Variants in SENP7 observed in about 807,000 individuals in gnomAD.
SENP7 encodes the protein SUMO specific peptidase 7, also known as sentrin-specific protease 7.
A neutral mutation model predicts 141.2 loss-of-function variants in SENP7; 64 were observed. That is an observed-to-expected ratio of 0.45 (90% CI 0.37 to 0.56). The LOEUF is 0.56. Among genes scored for constraint, SENP7 ranks in the 20% least tolerant of loss-of-function variants. SENP7 has a pLI of 0.00. For synonymous variants in SENP7, 382 were observed against 426.4 expected, an observed-to-expected ratio of 0.90 and a Z score of 1.28; for missense variants, 1,025 against 1,212.2, an observed-to-expected ratio of 0.85 and a Z score of 2.29.
chr3:101,357,567 G>T, intron 11 of SENP7: 1 of 1,275,212 alleles, frequency 7.8e-7, no homozygotes, highest in South Asian at 1.4e-5. Flanking sequence ...GAAAAATGTG[G>T]ACATGACAAT....
At chr3:101,510,329 G>A (rs2065797647) in intron 1 of SENP7, among the ~76,000 whole-genome samples, 2 of 152,090 alleles carry the variant, frequency 1.3e-5, no homozygotes, top group African/African-American at 4.8e-5. Flanking sequence ...TCTGGAATTG[G>A]GTTTCTGCTA....
At chr3:101,363,353 C>A (rs1231173975) in intron 10 of SENP7, among the ~76,000 whole-genome samples, 1 of 152,090 alleles carries the variant, frequency 6.6e-6, no homozygotes, top group African/African-American at 2.4e-5. Flanking sequence ...CTAGCTGGCT[C>A]CTAAAAATGA....
At chr3:101,382,121 A>G (rs2049108) in intron 6 of SENP7, among the ~76,000 whole-genome samples, 60,389 of 152,054 alleles carry the variant, frequency 0.4, 12,512 homozygotes, top group Admixed American at 0.54. Flanking sequence ...CTGAGTGGCT[A>G]GCTACAATAA....
intron 2 of SENP7, among the ~76,000 whole-genome samples, chr3:101,495,584 A>G (rs1466508663): frequency 1.3e-5 from 2 of 152,206 alleles, no homozygotes; most frequent in Admixed American, 6.5e-5. Context: ...AAGGAACACA[A>G]TCGTGTCTTT....
At chr3:101,494,022 A>C (rs2065067209) in intron 2 of SENP7, 54 bp from the exon 3 acceptor site, 1 of 1,147,054 alleles carries the variant, frequency 8.7e-7, no homozygotes. Flanking sequence ...ACAAGAGCTA[A>C]TTCAGCTAAC....
intron 4 of SENP7, 93 bp from the exon 5 acceptor site, chr3:101,417,883 T>G: frequency 9.9e-7 from 1 of 1,010,716 alleles, no homozygotes; most frequent in East Asian, 2.5e-5. Flanking sequence ...AACTGTAAAC[T>G]TCAGTTCCTC....
At chr3:101,443,998 A>C (rs2062786547) in intron 4 of SENP7, among the ~76,000 whole-genome samples, 1 of 149,042 alleles carries the variant, frequency 6.7e-6, no homozygotes, top group Non-Finnish European at 1.5e-5. Context: ...CTCATCTGAC[A>C]AAGGGCTAAT....
At chr3:101,378,589 T>C (rs1402254) in intron 6 of SENP7, among the ~76,000 whole-genome samples, 60,024 of 151,520 alleles carry the variant, frequency 0.4, 12,337 homozygotes, top group Admixed American at 0.53. Flanking sequence ...AGCATAGGCA[T>C]AATGGGAATA....
intron 17 of SENP7, among the ~76,000 whole-genome samples, chr3:101,335,339 T>C (rs1402454117): frequency 3.3e-5 from 5 of 152,206 alleles, no homozygotes; most frequent in Non-Finnish European, 7.4e-5. Context: ...TTAGAGCCTT[T>C]TGATGTGGAT....
At chr3:101,472,822 C>A (rs1226202939) in intron 3 of SENP7, among the ~76,000 whole-genome samples, 1 of 151,888 alleles carries the variant, frequency 6.6e-6, no homozygotes, top group African/African-American at 2.4e-5. Flanking sequence ...AAACTTATGT[C>A]ATGGGGGGTT....
chr3:101,372,611 G>A (rs2060212072), intron 6 of SENP7, among the ~76,000 whole-genome samples: 1 of 151,866 alleles, frequency 6.6e-6, no homozygotes, highest in Admixed American at 6.6e-5. Context: ...TAAAGTCTAA[G>A]GTACTGGTAA....
chr3:101,400,997 C>T (rs2061122700), intron 5 of SENP7, among the ~76,000 whole-genome samples: 1 of 151,688 alleles, frequency 6.6e-6, no homozygotes, highest in Non-Finnish European at 1.5e-5. Context: ...ACTTGGGAAG[C>T]TGAGAGAGGA....
intron 17 of SENP7, chr3:101,337,214 T>C (rs761746954): frequency 5.5e-6 from 1 of 181,312 alleles, no homozygotes; most frequent in Admixed American, 6.3e-5. Context: ...CATTTCCCAA[T>C]GCAAAGAGAG....
intron 3 of SENP7, among the ~76,000 whole-genome samples, chr3:101,476,367 G>T (rs2064218235): frequency 6.6e-6 from 1 of 151,726 alleles, no homozygotes; most frequent in Non-Finnish European, 1.5e-5. Context: ...TTCTGTTCCT[G>T]TGTTAGTTTG....
At chr3:101,503,235 T>C (rs142736601) in intron 1 of SENP7, among the ~76,000 whole-genome samples, 252 of 152,218 alleles carry the variant, frequency 1.7e-3, no homozygotes, top group Non-Finnish European at 2.4e-3. Context: ...TTAGAATGGG[T>C]AAAAGTAAAA....
At chr3:101,347,684 T>G (rs1420526202) in intron 13 of SENP7, 188 bp downstream of exon 13, 3 of 324,966 alleles carry the variant, frequency 9.2e-6, no homozygotes, top group Non-Finnish European at 1.6e-5. Context: ...ATAGTGCCAC[T>G]GCACTCCAGC....
At chr3:101,394,573 C>T (rs1026751311) in intron 6 of SENP7, among the ~76,000 whole-genome samples, 9 of 151,372 alleles carry the variant, frequency 5.9e-5, no homozygotes, top group East Asian at 1.9e-4. Flanking sequence ...AGTGCAGTGG[C>T]GCAATCTCGG....
Position 101,365,006 on chromosome 3 carries a change from A to G in SENP7, c.1319-15T>C, listed in dbSNP as rs755517206. The G allele has an allele frequency of 2.8e-5, 41 of 1,446,174 alleles. No homozygotes were observed. The Admixed American group carries it at 5.8e-4, about 20-fold the overall frequency. The allele number at this position is 1,446,174 out of a possible 1,614,324, so 89.6% of individuals were successfully genotyped here. ...GGAAACAACAACTAAAACGGAAAAGAAAAATGTATTTTTGTTTATTTATTT... is the reference window on the plus strand; with the variant it reads ...GGAAACAACAACTAAAACGGAAAAGGAAAATGTATTTTTGTTTATTTATTT... On this transcript the variant is annotated splice_polypyrimidine_tract_variant and intron_variant, in intron 9 of 23. Coordinates refer to ENST00000394095, the MANE Select transcript of SENP7 (RefSeq NM_020654.5).
At chr3:101,376,641 G>A (rs1015762330) in intron 6 of SENP7, among the ~76,000 whole-genome samples, 81 of 152,022 alleles carry the variant, frequency 5.3e-4, no homozygotes, top group Middle Eastern at 6.8e-3. Context: ...TTGTGGGGTG[G>A]GGGGAGCGGG....
Sources: gnomAD v4.1 joint callset for allele counts (sites outside exome capture counted in the v4.1 genomes callset) on GRCh38, gnomAD v4.1.1 for gene constraint, MANE v1.5 for transcripts, NCBI Gene and HGNC (gene_info 2026-07-23, HGNC 2026-07-21) for gene names.